The following JPH2 variants were observed in gnomAD, a reference collection of about 807,000 sequenced individuals.
The protein encoded by JPH2 is junctophilin 2, also known as junctophilin-2.
In JPH2, 38 loss-of-function variants were observed where a neutral mutation model predicts 55.9. The observed-to-expected ratio is 0.68, with a 90% confidence interval of 0.52 to 0.89. The LOEUF is 0.89. JPH2 is among the 40% of genes least tolerant of loss of function. The pLI is 0.00. For missense variants in JPH2, 964 were observed against 1,037.6 expected, an observed-to-expected ratio of 0.93 and a Z score of 0.97; for synonymous variants, 480 against 472.4, an observed-to-expected ratio of 1.02 and a Z score of -0.21.
intron 1 of JPH2, chr20:44,177,673 G>T: frequency 8.0e-7 from 1 of 1,251,722 alleles, no homozygotes; most frequent in Non-Finnish European, 1.0e-6. Flanking sequence ...CATTCGAAAT[G>T]GAATCATGTC....
At chr20:44,126,234 A>C (rs1285620024) in intron 2 of JPH2, among the ~76,000 whole-genome samples, 3 of 150,042 alleles carry the variant, frequency 2.0e-5, no homozygotes, top group Non-Finnish European at 4.4e-5. Flanking sequence ...CAGTGTTTTG[A>C]AGGGGACTGA....
rs1245114185 is a variant in JPH2 at position 44,186,379 on chromosome 20, G to T, written c.327C>A (p.Thr109=). 4.3e-6 allele frequency: 7 copies of T among 1,613,302 alleles called. No individual in the cohort carries two copies. In the African/African-American group the frequency reaches 8.0e-5, roughly 18 times the overall value. ...AGCCGTCTTGCAGGCCATTGTTCCA[G>T]GTGCCCTCATACTTGGCACCGCTGC... ...SSSSGAKYEG[T]WNNGLQDGYG... Residue 109 remains threonine, a synonymous_variant, in exon 1 of 6, where the codon ACC becomes ACA. Transcript: ENST00000372980.
intron 2 of JPH2, among the ~76,000 whole-genome samples, chr20:44,143,207 C>T (rs1331809881): frequency 6.6e-6 from 1 of 152,020 alleles, no homozygotes; most frequent in Non-Finnish European, 1.5e-5. Context: ...GAGATGAGGC[C>T]GGTGGGGTAA....
chr20:44,157,408 G>C (rs1045232562), intron 2 of JPH2, among the ~76,000 whole-genome samples: 4 of 152,160 alleles, frequency 2.6e-5, no homozygotes, highest in Non-Finnish European at 5.9e-5. Flanking sequence ...GGTTGGCTGA[G>C]GCTTTGTTGA....
intron 2 of JPH2, among the ~76,000 whole-genome samples, chr20:44,153,176 G>A (rs2072543253): frequency 6.6e-6 from 1 of 152,150 alleles, no homozygotes; most frequent in Non-Finnish European, 1.5e-5. Flanking sequence ...TTTCATTCTT[G>A]GGTTAGTACA....
intron 1 of JPH2, among the ~76,000 whole-genome samples, chr20:44,173,468 C>T (rs994018750): frequency 1.8e-4 from 27 of 152,108 alleles, no homozygotes; most frequent in Admixed American, 1.3e-4. Context: ...CCCCTGCCCG[C>T]CAAACTATCC....
rs2072594160 is a variant in JPH2, at chr20:44,159,877, C to A, written c.910G>T (p.Gly304Cys). The change falls in exon 2 of 6, where the codon GGC becomes TGC. Residue 304 changes from glycine (G) to cysteine (C), a missense_variant. Coordinates refer to ENST00000372980, the MANE Select transcript of JPH2 (RefSeq NM_020433.5). The surrounding 1 kb of genome is among the most constrained non-coding windows in gnomAD (Gnocchi z 5.7). Reference protein sequence around the residue: ...EWKNDKRSGFGVSERSSGLRY... With the variant: ...EWKNDKRSGFCVSERSSGLRY... ...AGGCCACTGGAGCGTTCGCTCACGC[C>A]GAAGCCCGAGCGTTTGTCGTTCTTC... 6.2e-7 allele frequency: 1 copy of A among 1,613,416 alleles called. No individual in the cohort carries two copies. Among genetic ancestry groups the A allele is most frequent in the Non-Finnish European group, 8.5e-7 (1 of 1,179,850 alleles).
intron 2 of JPH2, among the ~76,000 whole-genome samples, chr20:44,128,095 CAA>C (rs1413474757): frequency 6.6e-6 from 1 of 152,136 alleles, no homozygotes; most frequent in African/African-American, 2.4e-5. Context: ...CTTTGAAGTA[CAA>C]AAGTTATTTT....
rs376531411 is a variant in JPH2, at chr20:44,186,731, C to T, written c.-26G>A. 1 of 1,596,618 alleles carries T rather than the reference C, an allele frequency of 6.3e-7. No individual in the cohort carries two copies. Among genetic ancestry groups the T allele is most frequent in the African/African-American group, 1.3e-5 (1 of 74,970 alleles). On this transcript the variant is annotated 5_prime_UTR_variant, in exon 1 of 6. Coordinates refer to ENST00000372980, the MANE Select transcript of JPH2 (RefSeq NM_020433.5). ...CTCATCATAGCCCCTGACAACCTCC[C>T]CGTCCTCCAGCGTGGGTGCAGAGGG... is the stretch of plus-strand genomic sequence containing the variant.
At chr20:44,182,568 T>C (rs1381451052) in intron 1 of JPH2, among the ~76,000 whole-genome samples, 2 of 152,216 alleles carry the variant, frequency 1.3e-5, no homozygotes, top group African/African-American at 4.8e-5. Context: ...GCATTCTTGC[T>C]GTTCTTCAAA....
intron 2 of JPH2, among the ~76,000 whole-genome samples, chr20:44,126,774 T>C (rs1222648759): frequency 1.3e-5 from 2 of 152,210 alleles, no homozygotes; most frequent in Non-Finnish European, 2.9e-5. Flanking sequence ...ACATGGACAG[T>C]GGTCAATGAG....
At chr20:44,128,282 A>G (rs1287490380) in intron 2 of JPH2, among the ~76,000 whole-genome samples, 1 of 152,084 alleles carries the variant, frequency 6.6e-6, no homozygotes, top group African/African-American at 2.4e-5. Flanking sequence ...AAAAAATGGG[A>G]AATAACCTAA....
chr20:44,184,580 G>A (rs1446637610), intron 1 of JPH2, among the ~76,000 whole-genome samples: 1 of 152,142 alleles, frequency 6.6e-6, no homozygotes, highest in African/African-American at 2.4e-5. Flanking sequence ...ATATTCTAAA[G>A]TGTCCCTTTT....
intron 3 of JPH2, among the ~76,000 whole-genome samples, chr20:44,118,140 T>C (rs2072207379): frequency 6.6e-6 from 1 of 152,190 alleles, no homozygotes; most frequent in Admixed American, 6.5e-5. Context: ...GCCTGACACA[T>C]GGACAGTGCT....
chr20:44,116,227 C>A lies in JPH2; in HGVS notation c.1448G>T (p.Gly483Val). ...GGGCGTCCCGGCCGGTGACGGGGAG[C>A]CACCCTCGGGCCGAGGGGTCTCACG... ...HERETPRPEG[G>V]SPSPAGTPPQ... The change falls in exon 4 of 6, where the codon GGC (glycine) becomes GTC (valine). Residue 483 changes from glycine to valine, a missense_variant. Coordinates refer to ENST00000372980, the MANE Select transcript of JPH2 (RefSeq NM_020433.5). 1 of 1,405,394 alleles carries A rather than the reference C, an allele frequency of 7.1e-7. No individual in the cohort carries two copies. 87.1% of individuals were successfully genotyped at this position (1,405,394 alleles called of 1,614,324 possible).
intron 2 of JPH2, among the ~76,000 whole-genome samples, chr20:44,129,573 A>AAAAC (rs2072302081): frequency 4.4e-5 from 5 of 112,502 alleles, no homozygotes; most frequent in East Asian, 2.1e-4. Context: ...AAAAAAACAA[A>AAAAC]AAAAACAAAA....
chr20:44,186,372 T>C lies in JPH2; in HGVS notation c.334A>G (p.Asn112Asp). Reference sequence around the variant, plus strand: ...GTGCCATAGCCGTCTTGCAGGCCATTGTTCCAGGTGCCCTCATACTTGGCA... The same window carrying C: ...GTGCCATAGCCGTCTTGCAGGCCATCGTTCCAGGTGCCCTCATACTTGGCA... Reference protein sequence around the residue: ...SGAKYEGTWNNGLQDGYGTET... With the variant: ...SGAKYEGTWNDGLQDGYGTET... The change falls in exon 1 of 6, where the codon AAT becomes GAT. Residue 112 changes from asparagine (N) to aspartate (D), a missense_variant. Asn to Asp is a conservative substitution (Grantham distance 23). Transcript: ENST00000372980. 1 of 1,613,256 alleles carries C rather than the reference T, an allele frequency of 6.2e-7. No individual in the cohort carries two copies.
intron 2 of JPH2, among the ~76,000 whole-genome samples, chr20:44,120,955 T>C (rs1411030326): frequency 6.6e-6 from 1 of 152,226 alleles, no homozygotes; most frequent in Admixed American, 6.5e-5. Context: ...CCAGAAAGGC[T>C]ACTGTCAGAT....
intron 2 of JPH2, among the ~76,000 whole-genome samples, chr20:44,148,991 T>C (rs1291230939): frequency 1.3e-5 from 2 of 150,732 alleles, no homozygotes; most frequent in Admixed American, 6.6e-5. Flanking sequence ...GGCGTGAACC[T>C]GGTAGGCGGA....
Sources: gnomAD v4.1 joint callset for allele counts (sites outside exome capture counted in the v4.1 genomes callset) on GRCh38, gnomAD v4.1.1 for gene constraint, Gnocchi (gnomAD v3.1) non-coding constraint, MANE v1.5 for transcripts, NCBI Gene and HGNC (gene_info 2026-07-23, HGNC 2026-07-21) for gene names.